MPPE1: variants seen among roughly 807,000 people sequenced by gnomAD.
The protein encoded by MPPE1 is metallo phosphoesterase.
In MPPE1, 28 loss-of-function variants were observed where a neutral mutation model predicts 43.8. That is an observed-to-expected ratio of 0.64 (90% CI 0.47 to 0.88). The LOEUF (loss-of-function observed/expected upper bound fraction) is 0.88. Ranked by LOEUF, MPPE1 falls within the 40% of genes least tolerant of loss-of-function variation. The pLI is 0.00. For synonymous variants in MPPE1, 159 were observed against 188.5 expected, an observed-to-expected ratio of 0.84 and a Z score of 1.28; for missense variants, 428 against 492.2, an observed-to-expected ratio of 0.87 and a Z score of 1.23.
At chr18:11,893,778 T>A (rs1482573686) in intron 3 of MPPE1, among the ~76,000 whole-genome samples, 1 of 151,718 alleles carries the variant, frequency 6.6e-6, no homozygotes, top group South Asian at 2.1e-4. Flanking sequence ...CAGAGAAGAG[T>A]CCGGCCATCC....
At chr18:11,890,267 A>G (rs2037855714) in intron 4 of MPPE1, among the ~76,000 whole-genome samples, 1 of 151,844 alleles carries the variant, frequency 6.6e-6, no homozygotes, top group Non-Finnish European at 1.5e-5. Flanking sequence ...TAAAATTACA[A>G]TTAATACTTA....
chr18:11,897,767 G>A (rs2038745975), intron 2 of MPPE1: 4 of 154,150 alleles, frequency 2.6e-5, no homozygotes, highest in Admixed American at 2.6e-4. Flanking sequence ...CAGGTCACAA[G>A]CCGCCTGTAA....
chr18:11,894,747 C>G (rs2038407218), intron 3 of MPPE1, among the ~76,000 whole-genome samples: 1 of 152,090 alleles, frequency 6.6e-6, no homozygotes, highest in Non-Finnish European at 1.5e-5. Context: ...TGTGCCACCA[C>G]ACCCAGCTAA....
rs780063778 is a variant in MPPE1, at chr18:11,885,794, C to T, written c.890G>A (p.Arg297His). 1.8e-5 allele frequency: 29 copies of T among 1,610,796 alleles called. No homozygotes were observed. Among genetic ancestry groups the T allele is most frequent in the South Asian group, 1.1e-4 (10 of 90,948 alleles). ...GTGCGTGTGGCCACTGAGAACCAGG[C>T]GCGGCTGGAGCCACCACAGCAGCTG... ...SQKLLWWLQPRLVLSGHTHSA... is the reference protein window; with the variant it reads ...SQKLLWWLQPHLVLSGHTHSA... Residue 297 changes from arginine (R) to histidine (H), a missense_variant, in exon 10 of 11, where the codon CGC (arginine) becomes CAC (histidine). Arg to His is a conservative substitution (Grantham distance 29). Coordinates refer to ENST00000588072, the MANE Select transcript of MPPE1 (RefSeq NM_023075.6).
Position 11,886,910 on chromosome 18 carries a change from C to G in MPPE1, c.678+7G>C. 2 of 1,609,558 alleles carry G rather than the reference C, an allele frequency of 1.2e-6. No homozygotes were observed. Among genetic ancestry groups the G allele is most frequent in the Non-Finnish European group, 1.7e-6 (2 of 1,176,958 alleles). On this transcript the variant is annotated splice_region_variant and intron_variant, in intron 7 of 10. Coordinates refer to ENST00000588072, the MANE Select transcript of MPPE1 (RefSeq NM_023075.6). This position sits in a 1 kb window ranked among gnomAD's most constrained non-coding sequence, Gnocchi z 4.1. Reference sequence around the variant, plus strand: ...AAGGCACCTGTGGCATTCAGATGCTCTCCTACCTCTCGGGAGCAGTTCAGT... The same window carrying G: ...AAGGCACCTGTGGCATTCAGATGCTGTCCTACCTCTCGGGAGCAGTTCAGT...
At chr18:11,907,655 CTTTTTTTTTTTTT>C (rs3048186) in intron 1 of MPPE1, among the ~76,000 whole-genome samples, 1 of 113,076 alleles carries the variant, frequency 8.8e-6, no homozygotes, top group Non-Finnish European at 1.8e-5. Context: ...CTACACCTGG[CTTTTTTTTTTTTT>C]TTTTTTGGTA....
intron 6 of MPPE1, among the ~76,000 whole-genome samples, chr18:11,887,680 C>T (rs546709123): frequency 8.1e-4 from 123 of 152,290 alleles, no homozygotes; most frequent in African/African-American, 3.0e-3. Flanking sequence ...ACATGCATAC[C>T]ATCTTGGAAT....
chr18:11,902,320 C>T (rs2039295401), intron 2 of MPPE1: 1 of 152,204 alleles, frequency 6.6e-6, no homozygotes, highest in African/African-American at 2.4e-5. Context: ...AACCATGCAC[C>T]AGTATGGTGA....
chr18:11,893,703 C>A, intron 3 of MPPE1, 127 bp from the exon 4 acceptor site: 1 of 713,900 alleles, frequency 1.4e-6, no homozygotes, highest in Non-Finnish European at 2.3e-6. Flanking sequence ...CCCACTCTTG[C>A]ATTCCCATCC....
chr18:11,891,177 CA>C (rs1354022693), intron 4 of MPPE1: 1 of 152,128 alleles, frequency 6.6e-6, no homozygotes, highest in Non-Finnish European at 1.5e-5. Flanking sequence ...TAACAAATAA[CA>C]TTTAAAGTTA....
chr18:11,897,253 G>C lies in MPPE1; in HGVS notation c.12C>G (p.Ile4Met). Reference protein sequence around the residue: MAMIELGFGRQNFH... With the variant: MAMMELGFGRQNFH... Reference sequence around the variant, plus strand: ...AATTCTGTCTTCCAAACCCCAATTCGATCATCGCCATTTCTCAAGCAACAA... The same window carrying C: ...AATTCTGTCTTCCAAACCCCAATTCCATCATCGCCATTTCTCAAGCAACAA... The change falls in exon 3 of 11, where the codon ATC becomes ATG. Residue 4 changes from isoleucine to methionine, a missense_variant. Around this residue, in one of 3 missense-constraint regions of MPPE1, gnomAD observed 48 missense variants for 73.5 expected, o/e 0.65. Coordinates refer to ENST00000588072, the MANE Select transcript of MPPE1 (RefSeq NM_023075.6). 1.7e-6 allele frequency: 2 copies of C among 1,179,042 alleles called. No homozygotes were observed. The highest frequency in any genetic ancestry group is 2.4e-6 in the Non-Finnish European group (2 of 830,108). 73.0% of individuals were successfully genotyped at this position (1,179,042 alleles called of 1,614,324 possible).
At chr18:11,890,871 A>C (rs1369208980) in intron 4 of MPPE1, among the ~76,000 whole-genome samples, 2 of 152,236 alleles carry the variant, frequency 1.3e-5, no homozygotes, top group Non-Finnish European at 2.9e-5. Context: ...AACTGTGGAA[A>C]CCAGAACTAA....
At chr18:11,885,345 T>A (rs754562237) in intron 10 of MPPE1, 5 of 304,368 alleles carry the variant, frequency 1.6e-5, no homozygotes, top group African/African-American at 4.4e-5. Context: ...AGAAGATGGC[T>A]GAGTATAGCT....
chr18:11,885,712 G>T lies in MPPE1; in HGVS notation c.972C>A (p.Phe324Leu). 6.2e-7 allele frequency: 1 copy of T among 1,613,918 alleles called. No individual in the cohort carries two copies. Among genetic ancestry groups the T allele is most frequent in the Non-Finnish European group, 8.5e-7 (1 of 1,179,820 alleles). Reference protein sequence around the residue: ...GRVPELSVPSFSWRNRNNPSF... With the variant: ...GRVPELSVPSLSWRNRNNPSF... ...TGGGGTTGTTTCTGTTCCTCCAACT[G>T]AAAGATGGGACGCTGAGCTCGGGGA... The change falls in exon 10 of 11, where the codon TTC becomes TTA. Residue 324 changes from phenylalanine to leucine, a missense_variant. By Grantham distance (22) the Phe-to-Leu change is conservative. Around this residue, in one of 3 missense-constraint regions of MPPE1, gnomAD observed 379 missense variants for 402.5 expected, o/e 0.94. Transcript: ENST00000588072.
chr18:11,884,151 A>C lies in MPPE1; in HGVS notation c.*294T>G, dbSNP rs1425484535. ...CCTGGGGGAACAAGGACTGTCGTGC[A>C]TGTGAGTGACGACATTAATAGCATT... On this transcript the variant is annotated 3_prime_UTR_variant, in exon 11 of 11. Coordinates refer to ENST00000588072, the MANE Select transcript of MPPE1 (RefSeq NM_023075.6). 2 of 295,142 alleles carry C rather than the reference A, an allele frequency of 6.8e-6. No individual in the cohort carries two copies. The highest frequency in any genetic ancestry group is 4.3e-5 in the African/African-American group (2 of 46,692). The allele number at this position is 295,142 out of a possible 1,614,324, so 18.3% of individuals were successfully genotyped here. A position where few individuals can be genotyped will look rare whatever the true frequency, so the allele number is the denominator to read the frequency against.
At chr18:11,884,716 C>A in intron 10 of MPPE1, 89 bp from the exon 11 acceptor site, 1 of 1,423,636 alleles carries the variant, frequency 7.0e-7, no homozygotes, top group Non-Finnish European at 9.7e-7. Context: ...AGACTGCCTT[C>A]TCAGGTCCCC....
In MPPE1 at chr18:11,885,893, C is replaced by T. The variant is rs563045276; in HGVS notation, c.868-77G>A. 2.1e-5 allele frequency: 28 copies of T among 1,347,454 alleles called. No homozygotes were observed. In the South Asian group the frequency reaches 2.4e-4, roughly 12 times the overall value. The allele number at this position is 1,347,454 out of a possible 1,614,324, so 83.5% of individuals were successfully genotyped here. A position where few individuals can be genotyped will look rare whatever the true frequency, so the allele number is the denominator to read the frequency against. On this transcript the variant is annotated intron_variant, in intron 9 of 10. Transcript: ENST00000588072. ...AGGCTCTCACCGCTCAGCAGACGGC[C>T]GCTGGCCATCGCTTCTTTCCTTAAA...
rs536773701 is a variant in MPPE1 at position 11,908,150 on chromosome 18, G to A, written c.-200+51C>T. On this transcript the variant is annotated intron_variant, in intron 1 of 10. Transcript: ENST00000588072. ...ACTTGCAATCCTAACACGGAAGGAG[G>A]TTCCGTTTTTAGAAGTTTAAATGTT... The A allele has an allele frequency of 3.9e-5, 6 of 152,318 alleles. No homozygotes were observed. In the East Asian group the frequency reaches 1.2e-3, roughly 29 times the overall value. 9.4% of individuals were successfully genotyped at this position (152,318 alleles called of 1,614,324 possible).
At position 11,886,786 on chromosome 18, in the gene MPPE1, G is replaced by A. The variant is rs530890396; in HGVS notation, c.679-8C>T. The A allele has an allele frequency of 1.2e-6, 2 of 1,611,714 alleles. No individual in the cohort carries two copies. Among genetic ancestry groups the A allele is most frequent in the East Asian group, 4.5e-5 (2 of 44,844 alleles). ...CCGGCTGGAGCCACGTGCCTGCTGG[G>A]TACAAGTCAGGCCATTAATCCGCAC... On this transcript the variant is annotated splice_polypyrimidine_tract_variant and splice_region_variant and intron_variant, in intron 7 of 10. Coordinates refer to ENST00000588072, the MANE Select transcript of MPPE1 (RefSeq NM_023075.6). The surrounding 1 kb of genome is among the most constrained non-coding windows in gnomAD (Gnocchi z 4.1).
Sources: gnomAD v4.1 joint callset for allele counts (sites outside exome capture counted in the v4.1 genomes callset) on GRCh38, gnomAD v4.1.1 for gene constraint, gnomAD v4.1.1 regional missense constraint, Gnocchi (gnomAD v3.1) non-coding constraint, MANE v1.5 for transcripts, NCBI Gene and HGNC (gene_info 2026-07-23, HGNC 2026-07-21) for gene names.